Variants in MARK3 observed in about 807,000 individuals in gnomAD.
MARK3 encodes the protein microtubule affinity regulating kinase 3.
Under a neutral mutation model 90.1 loss-of-function variants are expected in MARK3, and 46 were observed. That is an observed-to-expected ratio of 0.51 (90% CI 0.40 to 0.65). The LOEUF (loss-of-function observed/expected upper bound fraction) is 0.65. Among genes scored for constraint, MARK3 ranks in the 30% least tolerant of loss-of-function variants. The pLI, the probability that MARK3 is intolerant of heterozygous loss-of-function variation, is 0.00. For missense variants in MARK3, 818 were observed against 947.2 expected (o/e 0.86, Z 1.79); for synonymous variants, 321 against 332.6 (o/e 0.97, Z 0.38).
At position 103,484,757 on chromosome 14, in the gene MARK3, C is replaced by G. The variant is rs530772627; in HGVS notation, c.1586+4267C>G. On this transcript the variant is annotated intron_variant, in intron 14 of 17. Transcript: ENST00000429436. ...ACCATCCTGACCAACATGGTGAAACCCTGTCTAAAATTAATTAGCTGGGCG... is the reference window on the plus strand; with the variant it reads ...ACCATCCTGACCAACATGGTGAAACGCTGTCTAAAATTAATTAGCTGGGCG... Among the ~76,000 whole-genome samples the G allele has an allele frequency of 7.1e-4, 21 of 29,514 alleles. No individual in the cohort carries two copies. In the East Asian group the frequency reaches 0.022, roughly 31 times the overall value. 19.4% of individuals were successfully genotyped at this position (29,514 alleles called of 152,430 possible). A position where few individuals can be genotyped will look rare whatever the true frequency, so the allele number is the denominator to read the frequency against.
At position 103,502,867 on chromosome 14, in the gene MARK3, C is replaced by T; in HGVS notation, c.1917-15C>T. 2 of 1,594,494 alleles carry T rather than the reference C, an allele frequency of 1.3e-6. No homozygotes were observed. The highest frequency in any genetic ancestry group is 1.7e-6 in the Non-Finnish European group (2 of 1,166,242). ...CCTGTACGATTAAAAATAAACCTGC[C>T]TCTATGCATTTCAGTCGCAATGTAT... On this transcript the variant is annotated splice_polypyrimidine_tract_variant and intron_variant, in intron 17 of 17. Coordinates refer to ENST00000429436, the MANE Select transcript of MARK3 (RefSeq NM_001128918.3).
chr14:103,462,411 T>C lies in MARK3; in HGVS notation c.490T>C (p.Ser164Pro). The C allele has an allele frequency of 6.2e-7, 1 of 1,601,822 alleles. No individual in the cohort carries two copies. Among genetic ancestry groups the C allele is most frequent in the Non-Finnish European group, 8.5e-7 (1 of 1,169,678 alleles). The part of the protein sequence containing the change: ...EARSKFRQIV[S>P]AVQYCHQKRI... Reference sequence around the variant, plus strand: ...CTGCGTCTCTCCTATTCAGATTGTGTCTGCAGTTCAATACTGCCATCAGAA... The same window carrying C: ...CTGCGTCTCTCCTATTCAGATTGTGCCTGCAGTTCAATACTGCCATCAGAA... Residue 164 changes from serine to proline, a missense_variant, in exon 7 of 18, where the codon TCT (serine) becomes CCT (proline). Around this residue, in one of 3 missense-constraint regions of MARK3, gnomAD observed 101 missense variants for 175.1 expected, o/e 0.58. Transcript: ENST00000429436.
intron 3 of MARK3, among the ~76,000 whole-genome samples, chr14:103,434,359 C>T (rs139882848): frequency 5.5e-4 from 84 of 152,270 alleles, no homozygotes; most frequent in Non-Finnish European, 9.3e-4. Flanking sequence ...ATTCCGTGAC[C>T]GGGCTAAGTA....
intron 3 of MARK3, among the ~76,000 whole-genome samples, chr14:103,434,630 A>T (rs2092671613): frequency 2.6e-5 from 4 of 152,194 alleles, no homozygotes; most frequent in Admixed American, 2.6e-4. Flanking sequence ...TGTGTGGCCT[A>T]CACATCAGGC....
chr14:103,423,260 CAG>C, intron 2 of MARK3, among the ~76,000 whole-genome samples: 1 of 119,532 alleles, frequency 8.4e-6, no homozygotes, highest in Non-Finnish European at 1.6e-5. Context: ...CTTTCAGAAA[CAG>C]GGTGTTAGGA....
intron 14 of MARK3, 72 bp from the exon 15 acceptor site, chr14:103,491,705 A>T: frequency 6.6e-7 from 1 of 1,514,960 alleles, no homozygotes. Context: ...TCCACTGTGT[A>T]TAAAAGGTAT....
At chr14:103,457,866 A>T (rs2093309337) in intron 6 of MARK3, among the ~76,000 whole-genome samples, 1 of 152,238 alleles carries the variant, frequency 6.6e-6, no homozygotes. Flanking sequence ...ACATGGGAAG[A>T]TTAAATAACT....
Position 103,502,906 on chromosome 14 carries a change from A to T in MARK3, c.1941A>T (p.Lys647Asn), listed in dbSNP as rs1456330085. The T allele has an allele frequency of 1.2e-6, 2 of 1,611,764 alleles. No individual in the cohort carries two copies. The highest frequency in any genetic ancestry group is 3.3e-5 in the Admixed American group (2 of 59,910). ...GSSRNVSAEQ[K>N]DENKEAKPRS... Reference sequence around the variant, plus strand: ...GTCGCAATGTATCTGCTGAGCAAAAAGATGAAAACAAAGAAGCAAAGCCTC... The same window carrying T: ...GTCGCAATGTATCTGCTGAGCAAAATGATGAAAACAAAGAAGCAAAGCCTC... The change falls in exon 18 of 18, where the codon AAA becomes AAT. Residue 647 changes from lysine (K) to asparagine (N), a missense_variant. Physicochemically the swap from Lys to Asn is moderately conservative, Grantham distance 94 (BLOSUM62 0). Coordinates refer to ENST00000429436, the MANE Select transcript of MARK3 (RefSeq NM_001128918.3).
Position 103,463,043 on chromosome 14 carries a change from G to A in MARK3, c.540+582G>A, listed in dbSNP as rs115797009. On this transcript the variant is annotated intron_variant, in intron 7 of 17. Transcript: ENST00000429436. Reference sequence around the variant, plus strand: ...GCTCTGGGTCCTGATTCCCTCTGGGGGCTGTGCTCTGTCTGATGCCTCTTT... The same window carrying A: ...GCTCTGGGTCCTGATTCCCTCTGGGAGCTGTGCTCTGTCTGATGCCTCTTT... Among the ~76,000 whole-genome samples the A allele has an allele frequency of 8.5e-3, 1,299 of 152,148 alleles. 23 individuals are homozygous for A. Among genetic ancestry groups the A allele is most frequent in the African/African-American group, 0.03 (1,227 of 41,496 alleles).
At chr14:103,421,525 G>A (rs1471845846) in intron 2 of MARK3, among the ~76,000 whole-genome samples, 1 of 152,156 alleles carries the variant, frequency 6.6e-6, no homozygotes, top group Non-Finnish European at 1.5e-5. Flanking sequence ...CCCAGTAAAG[G>A]GGTGACGAGT....
chr14:103,441,281 G>GTTTT (rs1360903505), intron 3 of MARK3, among the ~76,000 whole-genome samples: 1 of 151,194 alleles, frequency 6.6e-6, no homozygotes, highest in African/African-American at 2.4e-5. Context: ...TGTCTTTTTT[G>GTTTT]TTTTTTTGTT....
At chr14:103,500,694 A>T (rs1449407035) in intron 17 of MARK3, among the ~76,000 whole-genome samples, 2 of 150,734 alleles carry the variant, frequency 1.3e-5, no homozygotes, top group South Asian at 2.1e-4. Flanking sequence ...TAGTGGCGTG[A>T]TCAGGGCTTA....
At chr14:103,481,605 G>T (rs1022639190) in intron 14 of MARK3, among the ~76,000 whole-genome samples, 1 of 147,296 alleles carries the variant, frequency 6.8e-6, no homozygotes, top group Non-Finnish European at 1.5e-5. Flanking sequence ...TGAATTTTTA[G>T]CAATATTTAC....
At chr14:103,431,984 C>A (rs567131237) in intron 3 of MARK3, among the ~76,000 whole-genome samples, 24 of 150,250 alleles carry the variant, frequency 1.6e-4, no homozygotes, top group African/African-American at 2.2e-4. Flanking sequence ...TTTCCCCCCT[C>A]CCACCTGAAT....
chr14:103,480,920 G>A (rs1391428861), intron 14 of MARK3, among the ~76,000 whole-genome samples: 4 of 152,230 alleles, frequency 2.6e-5, no homozygotes, highest in African/African-American at 9.6e-5. Context: ...AAGGTCCGCA[G>A]TTTACCAAAG....
Position 103,385,449 on chromosome 14 carries a change from G to GGCGGCA in MARK3, c.-575_-570dup, listed in dbSNP as rs1158821396. ...AGGCTCTGAGGTGCCGGGGTGCGGC[G>GGCGGCA]GCGGCAGCGGCGGCCAGCAGGGCGG... On this transcript the variant is annotated 5_prime_UTR_variant, in exon 1 of 18. Transcript: ENST00000429436. 1.9e-5 allele frequency: 3 copies of GGCGGCA among 154,658 alleles called. No individual in the cohort carries two copies. Among genetic ancestry groups the GGCGGCA allele is most frequent in the Non-Finnish European group, 4.3e-5 (3 of 69,146 alleles). The allele number at this position is 154,658 out of a possible 1,614,324, so 9.6% of individuals were successfully genotyped here.
chr14:103,484,721 A>G (rs903866867), intron 14 of MARK3, among the ~76,000 whole-genome samples: 14 of 151,678 alleles, frequency 9.2e-5, no homozygotes, highest in Non-Finnish European at 8.8e-5. Context: ...TCATGAGGTC[A>G]GGAGATCAAG....
chr14:103,488,573 C>G (rs1215216189), intron 14 of MARK3, among the ~76,000 whole-genome samples: 1 of 152,124 alleles, frequency 6.6e-6, no homozygotes, highest in Non-Finnish European at 1.5e-5. Flanking sequence ...GGGACAGAAC[C>G]AGGCACAGTG....
At chr14:103,465,480 C>A in intron 7 of MARK3, 77 bp from the exon 8 acceptor site, 2 of 998,748 alleles carry the variant, frequency 2.0e-6, no homozygotes, top group Non-Finnish European at 1.6e-6. Flanking sequence ...GAAAGCTTTT[C>A]TAAAATGCCT....
Sources: allele counts gnomAD v4.1 joint callset (sites outside exome capture counted in the v4.1 genomes callset), GRCh38; gene constraint gnomAD v4.1.1; regional missense constraint gnomAD v4.1.1; transcripts MANE v1.5; gene names NCBI Gene and HGNC (gene_info 2026-07-23, HGNC 2026-07-21).